The following CDIN1 variants were observed in gnomAD, a reference collection of about 807,000 sequenced individuals.
CDIN1 encodes CDAN1-interacting nuclease 1.
Under a neutral mutation model 45.3 loss-of-function variants are expected in CDIN1, and 33 were observed. The observed-to-expected ratio is 0.73, with a 90% CI of 0.55 to 0.97. The LOEUF (loss-of-function observed/expected upper bound fraction) is 0.97, where lower values mean the gene tolerates loss of function less well. Ranked by LOEUF, CDIN1 falls within the 50% of genes least tolerant of loss-of-function variation. The probability of loss-of-function intolerance (pLI) is 0.00; values close to 1 mark genes in which losing one functional copy is unlikely to be tolerated. For missense variants in CDIN1, 303 were observed against 339.4 expected (o/e 0.89, Z 0.84); for synonymous variants, 118 against 124.4 (o/e 0.95, Z 0.34).
intron 10 of CDIN1, among the ~76,000 whole-genome samples, chr15:36,802,994 T>C (rs754728683): frequency 2.0e-5 from 3 of 151,996 alleles, no homozygotes; most frequent in South Asian, 2.1e-4. Context: ...TCCTGCACTG[T>C]CCTCAACACC....
intron 1 of CDIN1, among the ~76,000 whole-genome samples, chr15:36,632,954 G>A (rs2039741410): frequency 6.6e-6 from 1 of 152,106 alleles, no homozygotes; most frequent in African/African-American, 2.4e-5. Context: ...GTTCTAAAAA[G>A]TTAATACCTA....
intron 10 of CDIN1, chr15:36,756,137 G>A (rs1313833611): frequency 4.4e-6 from 2 of 455,882 alleles, no homozygotes; most frequent in East Asian, 1.4e-4. Flanking sequence ...TGGTTTTAAG[G>A]TACAGTTTTA....
At chr15:36,632,418 C>G (rs1384016445) in intron 1 of CDIN1, among the ~76,000 whole-genome samples, 2 of 152,158 alleles carry the variant, frequency 1.3e-5, no homozygotes, top group Non-Finnish European at 2.9e-5. Flanking sequence ...GAAGATGACT[C>G]ATATCACAGA....
chr15:36,710,097 C>A, intron 10 of CDIN1, 136 bp downstream of exon 10: 8 of 525,288 alleles, frequency 1.5e-5, no homozygotes, highest in East Asian at 3.0e-5. Flanking sequence ...TTAATGTATT[C>A]ATTTCAGATA....
At chr15:36,737,924 T>A (rs565355686) in intron 10 of CDIN1, among the ~76,000 whole-genome samples, 87 of 152,210 alleles carry the variant, frequency 5.7e-4, no homozygotes, top group Non-Finnish European at 1.0e-3. Flanking sequence ...AACTCACCTT[T>A]ACTTGACCTG....
intron 3 of CDIN1, among the ~76,000 whole-genome samples, chr15:36,651,857 A>G (rs1045029994): frequency 2.0e-5 from 3 of 152,230 alleles, no homozygotes; most frequent in Admixed American, 1.3e-4. Context: ...TCCAGACTAT[A>G]TAGATACAGA....
chr15:36,655,081 T>C (rs2040726830), intron 4 of CDIN1, among the ~76,000 whole-genome samples: 1 of 152,282 alleles, frequency 6.6e-6, no homozygotes, highest in East Asian at 1.9e-4. Flanking sequence ...AAGTTCTACA[T>C]GTTATATTAG....
At position 36,601,243 on chromosome 15, in the gene CDIN1, C is replaced by T. The variant is rs562113745; in HGVS notation, c.101+21282C>T. 5.8e-4 allele frequency among the ~76,000 whole-genome samples: 88 copies of T among 152,282 alleles called. 1 individual carries two copies. In the South Asian group the frequency reaches 1.0e-2, roughly 17 times the overall value. On this transcript the variant is annotated intron_variant, in intron 1 of 10. Transcript: ENST00000566621. ...TGTGTAACTGTCCTACCCTTCAGCACGGGGTAACTTGGACTGAAAAGGGAC... is the reference window on the plus strand; with the variant it reads ...TGTGTAACTGTCCTACCCTTCAGCATGGGGTAACTTGGACTGAAAAGGGAC...
intron 10 of CDIN1, among the ~76,000 whole-genome samples, chr15:36,712,298 C>T (rs927451374): frequency 1.8e-4 from 21 of 115,896 alleles, no homozygotes; most frequent in Non-Finnish European, 2.6e-4. Context: ...TGGAGTCTCA[C>T]TCTGTCATCC....
chr15:36,788,151 C>T (rs1263849031), intron 10 of CDIN1, among the ~76,000 whole-genome samples: 74 of 117,068 alleles, frequency 6.3e-4, no homozygotes, highest in African/African-American at 2.4e-3. Context: ...AGTTTCACTC[C>T]TGTTGCCCAG....
intron 3 of CDIN1, among the ~76,000 whole-genome samples, chr15:36,651,362 A>G (rs1056009580): frequency 6.6e-6 from 1 of 152,192 alleles, no homozygotes; most frequent in Non-Finnish European, 1.5e-5. Flanking sequence ...TTTGCACAAG[A>G]TCATGATGAG....
intron 5 of CDIN1, among the ~76,000 whole-genome samples, chr15:36,689,202 T>A (rs1162635621): frequency 6.6e-6 from 1 of 152,208 alleles, no homozygotes; most frequent in East Asian, 1.9e-4. Context: ...GTGAGGAAAA[T>A]TATGTCATCA....
chr15:36,803,615 A>G (rs1167000023), intron 10 of CDIN1, among the ~76,000 whole-genome samples: 1 of 152,192 alleles, frequency 6.6e-6, no homozygotes, highest in Admixed American at 6.5e-5. Flanking sequence ...AGTTATACAA[A>G]AAATTTTATT....
chr15:36,787,624 T>C (rs2381877), intron 10 of CDIN1, among the ~76,000 whole-genome samples: 59,156 of 152,040 alleles, frequency 0.39, 13,354 homozygotes, highest in Middle Eastern at 0.62. Flanking sequence ...TTAACTAATA[T>C]CAAATAAGTT....
Position 36,697,499 on chromosome 15 carries a change from C to T in CDIN1, c.544+109C>T, listed in dbSNP as rs114426703. 7.6e-4 allele frequency: 671 copies of T among 878,370 alleles called. 3 individuals are homozygous for T. Among genetic ancestry groups the T allele is most frequent in the African/African-American group, 6.0e-3 (349 of 57,776 alleles). The allele number at this position is 878,370 out of a possible 1,614,324, so 54.4% of individuals were successfully genotyped here. Reference sequence around the variant, plus strand: ...AGAGTGAATGATGATTGATGCTGTGCATATTATCTTTTATTGATTTGGAAC... The same window carrying T: ...AGAGTGAATGATGATTGATGCTGTGTATATTATCTTTTATTGATTTGGAAC... On this transcript the variant is annotated intron_variant, in intron 8 of 10. Transcript: ENST00000566621.
At position 36,584,395 on chromosome 15, in the gene CDIN1, A is replaced by C. The variant is rs565166614; in HGVS notation, c.101+4434A>C. Among the ~76,000 whole-genome samples, 4 of 152,314 alleles carry C rather than the reference A, an allele frequency of 2.6e-5. No individual in the cohort carries two copies. In the South Asian group the frequency reaches 8.3e-4, roughly 32 times the overall value. ...GGCTGCAGTGAGTTAGGAACGTGCC[A>C]CTGCAGTCCAGCCTGAGCCACAACA... On this transcript the variant is annotated intron_variant, in intron 1 of 10. Coordinates refer to ENST00000566621, the MANE Select transcript of CDIN1 (RefSeq NM_001321759.2).
intron 10 of CDIN1, among the ~76,000 whole-genome samples, chr15:36,736,662 A>C (rs1020830583): frequency 1.3e-5 from 2 of 152,164 alleles, no homozygotes; most frequent in African/African-American, 4.8e-5. Context: ...ATGTTCTAGC[A>C]GTATTACCCA....
rs2053569600 is a variant in CDIN1 at position 36,754,900 on chromosome 15, T to G, written c.716+44939T>G. Among the ~76,000 whole-genome samples, 2 of 152,140 alleles carry G rather than the reference T, an allele frequency of 1.3e-5. 1 individual carries two copies. Among genetic ancestry groups the G allele is most frequent in the South Asian group, 4.1e-4 (2 of 4,824 alleles). ...ATTTCAGAATTATTTTTCTTTGATT[T>G]TTCTACCAAAAAAAAGGCCCACCCC... is the stretch of plus-strand genomic sequence containing the variant. On this transcript the variant is annotated intron_variant, in intron 10 of 10. Transcript: ENST00000566621.
intron 10 of CDIN1, among the ~76,000 whole-genome samples, chr15:36,732,143 T>A (rs2043854325): frequency 6.6e-6 from 1 of 152,162 alleles, no homozygotes. Flanking sequence ...TTTGCCCCTC[T>A]ATAGCCAAAA....
Sources: gnomAD v4.1 joint callset for allele counts (sites outside exome capture counted in the v4.1 genomes callset) on GRCh38, gnomAD v4.1.1 for gene constraint, MANE v1.5 for transcripts, NCBI Gene and HGNC (gene_info 2026-07-23, HGNC 2026-07-21) for gene names.